The following PRDM10 variants were observed in gnomAD, a reference collection of about 807,000 sequenced individuals.
PRDM10 encodes the protein PR/SET domain 10, also known as PR domain zinc finger protein 10.
Under a neutral mutation model 133.1 loss-of-function variants are expected in PRDM10, and 65 were observed. That is an observed-to-expected ratio of 0.49 (90% CI 0.40 to 0.60). PRDM10 has a LOEUF of 0.60. PRDM10 is among the 20% of genes least tolerant of loss of function. The probability of loss-of-function intolerance (pLI) is 0.00; values close to 1 mark genes in which losing one functional copy is unlikely to be tolerated. For missense variants in PRDM10, 1,137 were observed against 1,507.1 expected, an observed-to-expected ratio of 0.75 and a Z score of 4.07; for synonymous variants, 582 against 580.4, an observed-to-expected ratio of 1.00 and a Z score of -0.04.
intron 1 of PRDM10, among the ~76,000 whole-genome samples, chr11:129,965,196 G>A (rs955937088): frequency 1.1e-4 from 17 of 151,664 alleles, no homozygotes; most frequent in Middle Eastern, 3.2e-3. Flanking sequence ...AACCCAGATC[G>A]TGCCACTGCA....
At chr11:129,924,104 A>T (rs551179507) in intron 12 of PRDM10, among the ~76,000 whole-genome samples, 2 of 152,354 alleles carry the variant, frequency 1.3e-5, no homozygotes, top group African/African-American at 4.8e-5. Context: ...GTCTTACCAA[A>T]CTATTCCTAT....
At chr11:129,998,807 AT>A (rs1189323308) in intron 1 of PRDM10, among the ~76,000 whole-genome samples, 1 of 151,492 alleles carries the variant, frequency 6.6e-6, no homozygotes, top group Non-Finnish European at 1.5e-5. Context: ...AAATGGTGAA[AT>A]GGTGTAATAA....
chr11:129,936,531 T>TAGTC (rs1951035624), intron 8 of PRDM10, among the ~76,000 whole-genome samples: 1 of 151,914 alleles, frequency 6.6e-6, no homozygotes, highest in African/African-American at 2.4e-5. Flanking sequence ...AGGGCGCCTG[T>TAGTC]AGTCCCAGCT....
At chr11:129,915,267 A>G (rs1950321780) in intron 16 of PRDM10, among the ~76,000 whole-genome samples, 1 of 147,294 alleles carries the variant, frequency 6.8e-6, no homozygotes, top group African/African-American at 2.4e-5. Flanking sequence ...CCCCCCCCAA[A>G]TAGTACCTGC....
intron 1 of PRDM10, among the ~76,000 whole-genome samples, chr11:130,000,870 G>A (rs1168650703): frequency 6.6e-6 from 1 of 152,192 alleles, no homozygotes; most frequent in African/African-American, 2.4e-5. Flanking sequence ...ACTTAGGGAT[G>A]CTGCGGCGGT....
chr11:129,965,738 CA>C lies in PRDM10; in HGVS notation c.-118-4657del, dbSNP rs1323717183. 9.7e-4 allele frequency among the ~76,000 whole-genome samples: 132 copies of C among 136,518 alleles called. 1 individual carries two copies. Among genetic ancestry groups the C allele is most frequent in the Middle Eastern group, 7.4e-3 (2 of 270 alleles). 89.6% of individuals were successfully genotyped at this position (136,518 alleles called of 152,430 possible). A position where few individuals can be genotyped will look rare whatever the true frequency, so the allele number is the denominator to read the frequency against. On this transcript the variant is annotated intron_variant, in intron 1 of 20. Coordinates refer to ENST00000360871, the MANE Select transcript of PRDM10 (RefSeq NM_199437.2). ...CTAGGTCCTTAAGAAACATGTTTAT[CA>C]AAAAAAAAAATATATATATACAAAA...
At chr11:129,946,729 C>T (rs1203092185) in intron 5 of PRDM10, among the ~76,000 whole-genome samples, 2 of 152,154 alleles carry the variant, frequency 1.3e-5, no homozygotes, top group African/African-American at 4.8e-5. Context: ...TGGGATAGAA[C>T]AGCATTCTTA....
In PRDM10 at chr11:129,923,410, A is replaced by G. The variant is rs2241573; in HGVS notation, c.1879-7T>C. 0.31 allele frequency: 494,152 copies of G among 1,600,492 alleles called. 77,176 individuals carry two copies. Among genetic ancestry groups the G allele is most frequent in the Middle Eastern group, 0.34 (1,920 of 5,636 alleles). On this transcript the variant is annotated splice_region_variant and splice_polypyrimidine_tract_variant and intron_variant, in intron 12 of 20. Coordinates refer to ENST00000360871, the MANE Select transcript of PRDM10 (RefSeq NM_199437.2). This position sits in a 1 kb window ranked among gnomAD's most constrained non-coding sequence, Gnocchi z 4.4. ...TGCGCACGTGTTTTTTCACCTGGTG[A>G]TAAGAACCACAGGAAAATTCAGGGG...
At chr11:129,915,048 A>G in intron 16 of PRDM10, 30 bp from the exon 17 acceptor site, 1 of 1,543,806 alleles carries the variant, frequency 6.5e-7, no homozygotes, top group East Asian at 2.3e-5. Flanking sequence ...AACAAGAATA[A>G]TTATTAGAAT....
chr11:129,902,384 T>C lies in PRDM10; in HGVS notation c.3400A>G (p.Thr1134Ala), dbSNP rs1949867863. ...GTGGTGGTGATGATGTACTGTGTGG[T>C]CTGCTGTTGGCTGTTGGTCTGGGGG... is the stretch of plus-strand genomic sequence containing the variant. ...LDPQTNSQQQ[T>A]TQYIITTTTN... Residue 1134 changes from threonine (T) to alanine (A), a missense_variant, in exon 21 of 21, where the codon ACC becomes GCC. Coordinates refer to ENST00000360871, the MANE Select transcript of PRDM10 (RefSeq NM_199437.2). The C allele has an allele frequency of 1.2e-6, 2 of 1,614,040 alleles. No homozygotes were observed. The highest frequency in any genetic ancestry group is 1.7e-5 in the Admixed American group (1 of 60,010).
At chr11:129,922,156 T>C (rs1249693419) in intron 13 of PRDM10, among the ~76,000 whole-genome samples, 1 of 152,228 alleles carries the variant, frequency 6.6e-6, no homozygotes, top group Non-Finnish European at 1.5e-5. Flanking sequence ...GCTTCCCTGA[T>C]TGAACTGTGG....
At chr11:129,941,530 C>A (rs922487749) in intron 7 of PRDM10, among the ~76,000 whole-genome samples, 3 of 152,206 alleles carry the variant, frequency 2.0e-5, no homozygotes, top group African/African-American at 7.2e-5. Flanking sequence ...TAACCGACAT[C>A]TTTAATCACT....
intron 19 of PRDM10, among the ~76,000 whole-genome samples, chr11:129,909,412 T>C (rs980728012): frequency 4.6e-5 from 7 of 150,942 alleles, no homozygotes; most frequent in Admixed American, 6.6e-5. Flanking sequence ...ATTGTGCCAC[T>C]GCACTCCAGC....
intron 13 of PRDM10, among the ~76,000 whole-genome samples, chr11:129,919,670 T>C (rs1022159576): frequency 6.6e-6 from 1 of 152,228 alleles, no homozygotes; most frequent in Non-Finnish European, 1.5e-5. Flanking sequence ...GGCTTTCTGC[T>C]CTGGGACACA....
In PRDM10 at chr11:129,947,976, C is replaced by T; in HGVS notation, c.295-606G>A. 2.2e-6 allele frequency: 1 copy of T among 451,406 alleles called. No homozygotes were observed. Among genetic ancestry groups the T allele is most frequent in the South Asian group, 1.6e-5 (1 of 63,808 alleles). The allele number at this position is 451,406 out of a possible 1,614,324, so 28.0% of individuals were successfully genotyped here. The stretch of plus-strand genomic sequence containing the variant: ...ACTTGTCTTTTAAAACTAAACACGT[C>T]GTGCAACACATGGTTAACAAAGTTC... On this transcript the variant is annotated intron_variant, in intron 4 of 20. Transcript: ENST00000360871. This position sits in a 1 kb window ranked among gnomAD's most constrained non-coding sequence, Gnocchi z 4.6.
At chr11:129,956,212 CAGGG>C (rs1951693782) in intron 3 of PRDM10, among the ~76,000 whole-genome samples, 1 of 152,148 alleles carries the variant, frequency 6.6e-6, no homozygotes, top group African/African-American at 2.4e-5. Flanking sequence ...CTACTGTAGC[CAGGG>C]CACCACAGTT....
In PRDM10 at chr11:129,947,425, C is replaced by T. The variant is rs1328798777; in HGVS notation, c.295-55G>A. The T allele has an allele frequency of 4.4e-6, 7 of 1,604,492 alleles. No homozygotes were observed. The highest frequency in any genetic ancestry group is 1.3e-5 in the African/African-American group (1 of 74,738). On this transcript the variant is annotated intron_variant, in intron 4 of 20. Coordinates refer to ENST00000360871, the MANE Select transcript of PRDM10 (RefSeq NM_199437.2). The surrounding 1 kb of genome is among the most constrained non-coding windows in gnomAD (Gnocchi z 4.6). ...CAGACATGGACACCTGCTTTTGGTT[C>T]GCTGGTGCCTGCTGGCACAAACAGG...
At position 129,899,723 on chromosome 11, in the gene PRDM10, T is replaced by C. The variant is rs1028332196; in HGVS notation, c.*2590A>G. 6.6e-6 allele frequency: 1 copy of C among 152,466 alleles called. No homozygotes were observed. Among genetic ancestry groups the C allele is most frequent in the Non-Finnish European group, 1.5e-5 (1 of 68,028 alleles). The allele number at this position is 152,466 out of a possible 1,614,324, so 9.4% of individuals were successfully genotyped here. A position where few individuals can be genotyped will look rare whatever the true frequency, so the allele number is the denominator to read the frequency against. ...AAAATAGCTCTTGTAGCTTCACACA[T>C]ACAAACATGTTTATTAAAAAATATA... is the stretch of plus-strand genomic sequence containing the variant. On this transcript the variant is annotated 3_prime_UTR_variant, in exon 21 of 21. Coordinates refer to ENST00000360871, the MANE Select transcript of PRDM10 (RefSeq NM_199437.2).
intron 19 of PRDM10, among the ~76,000 whole-genome samples, chr11:129,908,477 T>G (rs1623543): frequency 0.56 from 84,549 of 151,910 alleles, 25,255 homozygotes; most frequent in African/African-American, 0.79. Context: ...GTCTCAAATG[T>G]TCTTTTTCTT....
Sources: gnomAD v4.1 joint callset for allele counts (sites outside exome capture counted in the v4.1 genomes callset) on GRCh38, gnomAD v4.1.1 for gene constraint, Gnocchi (gnomAD v3.1) non-coding constraint, MANE v1.5 for transcripts, NCBI Gene and HGNC (gene_info 2026-07-23, HGNC 2026-07-21) for gene names.